Variants in SORBS2 observed in about 807,000 individuals in gnomAD.
SORBS2 encodes sorbin and SH3 domain containing 2, also known as sorbin and SH3 domain-containing protein 2.
In SORBS2, 46 loss-of-function variants were observed where a neutral mutation model predicts 97.7. The observed-to-expected ratio is 0.47, with a 90% CI of 0.37 to 0.60. The LOEUF (loss-of-function observed/expected upper bound fraction) is 0.60, where lower values mean the gene tolerates loss of function less well. Ranked by LOEUF, SORBS2 falls within the 20% of genes least tolerant of loss-of-function variation. SORBS2 has a pLI of 0.00. For synonymous variants in SORBS2, 476 were observed against 473.4 expected, an observed-to-expected ratio of 1.01 and a Z score of -0.07; for missense variants, 1,316 against 1,282.3, an observed-to-expected ratio of 1.03 and a Z score of -0.40.
In SORBS2 at chr4:185,632,204, C is replaced by T. The variant is rs575860407; in HGVS notation, c.397-1606G>A. 3.3e-4 allele frequency among the ~76,000 whole-genome samples: 50 copies of T among 152,290 alleles called. No homozygotes were observed. The South Asian group carries it at 3.7e-3, about 11-fold the overall frequency. On this transcript the variant is annotated intron_variant, in intron 4 of 14. Coordinates refer to ENST00000418609, the Ensembl canonical transcript of SORBS2. Reference sequence around the variant, plus strand: ...TACAAGGTCCCTTTTGCATAACTTACGCTTCTATTAACTAATATTTTAATT... The same window carrying T: ...TACAAGGTCCCTTTTGCATAACTTATGCTTCTATTAACTAATATTTTAATT...
At position 185,611,992 on chromosome 4, in the gene SORBS2, A is replaced by G. The variant is rs2096545644; in HGVS notation, c.2596-12T>C. On this transcript the variant is annotated splice_polypyrimidine_tract_variant and intron_variant, in intron 11 of 14. Coordinates refer to ENST00000418609, the Ensembl canonical transcript of SORBS2. Reference sequence around the variant, plus strand: ...ATAACTCTATCTCCCTGTTATGAATATGAGAAAAATGCATTAGAAACAGAG... The same window carrying G: ...ATAACTCTATCTCCCTGTTATGAATGTGAGAAAAATGCATTAGAAACAGAG... The G allele has an allele frequency of 6.9e-7, 1 of 1,444,878 alleles. No individual in the cohort carries two copies. Among genetic ancestry groups the G allele is most frequent in the Non-Finnish European group, 9.7e-7 (1 of 1,028,392 alleles). The allele number at this position is 1,444,878 out of a possible 1,614,324, so 89.5% of individuals were successfully genotyped here.
chr4:185,760,299 T>G (rs959734418), intron 2 of SORBS2, among the ~76,000 whole-genome samples: 14 of 152,222 alleles, frequency 9.2e-5, no homozygotes, highest in Non-Finnish European at 1.8e-4. Flanking sequence ...CAGTGCCTCA[T>G]GCCTGTAATC....
intron 2 of SORBS2, among the ~76,000 whole-genome samples, chr4:185,751,181 A>AC: frequency 7.2e-6 from 1 of 139,664 alleles, no homozygotes; most frequent in African/African-American, 2.7e-5. Flanking sequence ...CTAAAAAAAA[A>AC]AAAAAAAAAA....
At chr4:185,935,628 T>C (rs1342623673) in intron 1 of SORBS2, among the ~76,000 whole-genome samples, 1 of 152,188 alleles carries the variant, frequency 6.6e-6, no homozygotes, top group African/African-American at 2.4e-5. Context: ...CAACTTTAAC[T>C]AGGGTATTGA....
chr4:185,607,341 G>A lies in SORBS2; in HGVS notation c.2796+4439C>T. The A allele has an allele frequency of 1.6e-6, 2 of 1,286,918 alleles. No individual in the cohort carries two copies. Among genetic ancestry groups the A allele is most frequent in the South Asian group, 1.2e-5 (1 of 80,924 alleles). The allele number at this position is 1,286,918 out of a possible 1,614,324, so 79.7% of individuals were successfully genotyped here. ...GGGTGGGAGGAGGGGCTGGTTCACT[G>A]GAAGCCAACTTGGAAATGAGCACGG... On this transcript the variant is annotated intron_variant, in intron 12 of 14. Transcript: ENST00000418609. This position sits in a 1 kb window ranked among gnomAD's most constrained non-coding sequence, Gnocchi z 5.2.
intron 12 of SORBS2, among the ~76,000 whole-genome samples, chr4:185,609,437 T>C (rs527415428): frequency 6.6e-6 from 1 of 152,232 alleles, no homozygotes; most frequent in African/African-American, 2.4e-5. Flanking sequence ...TATCTGATGC[T>C]GCGACTACGC....
rs1296139010 is a variant in SORBS2, at chr4:185,806,488, C to G, written c.-337-31122G>C. 3.5e-5 allele frequency among the ~76,000 whole-genome samples: 4 copies of G among 114,688 alleles called. 1 individual carries two copies. The highest frequency in any genetic ancestry group is 7.0e-5 in the African/African-American group (2 of 28,418). The allele number at this position is 114,688 out of a possible 152,430, so 75.2% of individuals were successfully genotyped here. A position where few individuals can be genotyped will look rare whatever the true frequency, so the allele number is the denominator to read the frequency against. Reference sequence around the variant, plus strand: ...TTTTTTTTTTTTTGAGACGGAGTCTCGCTCTGTCGCCCAGGCTGGAGTGCA... The same window carrying G: ...TTTTTTTTTTTTTGAGACGGAGTCTGGCTCTGTCGCCCAGGCTGGAGTGCA... On this transcript the variant is annotated intron_variant, in intron 1 of 20. Transcript: ENST00000284776.
At chr4:185,698,343 G>T (rs536300478) in intron 2 of SORBS2, among the ~76,000 whole-genome samples, 7 of 152,316 alleles carry the variant, frequency 4.6e-5, no homozygotes, top group African/African-American at 1.7e-4. Flanking sequence ...GGGCATGGTG[G>T]CACATGCCTG....
exon 7 of SORBS2, chr4:185,624,494 C>T (rs2096776428): frequency 6.3e-6 from 10 of 1,597,818 alleles, no homozygotes; most frequent in Non-Finnish European, 8.5e-6. Context: ...ATCATCCCCA[C>T]CTTTTAATCC....
intron 4 of SORBS2, among the ~76,000 whole-genome samples, chr4:185,664,539 C>G (rs563353534): frequency 6.6e-6 from 1 of 152,082 alleles, no homozygotes; most frequent in Non-Finnish European, 1.5e-5. Flanking sequence ...TCCTGGTGCC[C>G]GTAGTTGGGC....
At chr4:185,894,980 C>T (rs2099244317) in intron 1 of SORBS2, among the ~76,000 whole-genome samples, 1 of 152,196 alleles carries the variant, frequency 6.6e-6, no homozygotes, top group African/African-American at 2.4e-5. Context: ...TCCATGCTGC[C>T]ATGTATGGCC....
chr4:185,646,898 C>T, intron 3 of SORBS2, 116 bp from the exon 13 acceptor site: 1 of 650,604 alleles, frequency 1.5e-6, no homozygotes, highest in Admixed American at 2.7e-5. Context: ...AAAAATCTCT[C>T]AGGATAAAAA....
At chr4:185,770,073 C>A (rs1191652174) in intron 2 of SORBS2, among the ~76,000 whole-genome samples, 1 of 130,888 alleles carries the variant, frequency 7.6e-6, no homozygotes, top group African/African-American at 3.1e-5. Context: ...GGCATTCTGC[C>A]GGATGGCATT....
chr4:185,812,352 T>A (rs2099188151), intron 1 of SORBS2, 158 bp from the exon 1 acceptor site: 1 of 152,240 alleles, frequency 6.6e-6, no homozygotes, highest in Non-Finnish European at 1.5e-5. Context: ...AGCTTGTTAA[T>A]TTCTTTTCAT....
At chr4:185,776,518 C>T (rs2099000350) in intron 1 of SORBS2, among the ~76,000 whole-genome samples, 1 of 152,004 alleles carries the variant, frequency 6.6e-6, no homozygotes, top group African/African-American at 2.4e-5. Flanking sequence ...TTTCAACCCC[C>T]TACTCCCCAT....
At chr4:185,667,703 T>TAC (rs1331314948) in intron 4 of SORBS2, among the ~76,000 whole-genome samples, 2 of 8,276 alleles carry the variant, frequency 2.4e-4, no homozygotes, top group Non-Finnish European at 7.1e-4. Flanking sequence ...TATATATATA[T>TAC]ATACGTATAT....
chr4:185,689,696 G>A (rs893978513), intron 2 of SORBS2, among the ~76,000 whole-genome samples: 8 of 152,146 alleles, frequency 5.3e-5, no homozygotes, highest in Non-Finnish European at 1.0e-4. Context: ...CAGTGGCTGG[G>A]TAATCCTCCT....
At chr4:185,860,329 T>A (rs1431492587) in intron 1 of SORBS2, among the ~76,000 whole-genome samples, 1 of 152,084 alleles carries the variant, frequency 6.6e-6, no homozygotes, top group Non-Finnish European at 1.5e-5. Context: ...GTAAACAAAT[T>A]AATAGTTGAC....
intron 1 of SORBS2, among the ~76,000 whole-genome samples, chr4:185,946,297 C>T (rs915126933): frequency 5.9e-5 from 9 of 152,098 alleles, no homozygotes; most frequent in African/African-American, 2.2e-4. Flanking sequence ...TTGGAGGAGG[C>T]AGGCCTAGAA....
Sources: gnomAD v4.1 joint callset for allele counts (sites outside exome capture counted in the v4.1 genomes callset) on GRCh38, gnomAD v4.1.1 for gene constraint, Gnocchi (gnomAD v3.1) non-coding constraint, MANE v1.5 for transcripts, NCBI Gene and HGNC (gene_info 2026-07-23, HGNC 2026-07-21) for gene names.